The following HECTD4 variants were observed in gnomAD, a reference collection of about 807,000 sequenced individuals.
HECTD4 encodes the protein HECT domain E3 ubiquitin protein ligase 4, also known as probable E3 ubiquitin-protein ligase HECTD4.
A neutral mutation model predicts 471.5 loss-of-function variants in HECTD4; 114 were observed. The observed-to-expected ratio is 0.24, with a 90% CI of 0.21 to 0.28. The LOEUF (loss-of-function observed/expected upper bound fraction) is 0.28. Among genes scored for constraint, HECTD4 ranks in the 10% least tolerant of loss-of-function variants. The probability of loss-of-function intolerance (pLI) is 1.00; values close to 1 mark genes in which losing one functional copy is unlikely to be tolerated. For synonymous variants in HECTD4, 2,012 were observed against 2,256.0 expected, an observed-to-expected ratio of 0.89 and a Z score of 3.07; for missense variants, 3,866 against 5,651.5, an observed-to-expected ratio of 0.68 and a Z score of 10.13.
At position 112,319,800 on chromosome 12, in the gene HECTD4, G is replaced by A. The variant is rs1566110518; in HGVS notation, c.178-58C>T. ...TATTACTTTCACCAAAGTCATCTAA[G>A]GAAGAAAATATGTTTAATGATATCC... On this transcript the variant is annotated intron_variant, in intron 1 of 75. Coordinates refer to ENST00000682272, the MANE Select transcript of HECTD4 (RefSeq NM_001388303.1). This position sits in a 1 kb window ranked among gnomAD's most constrained non-coding sequence, Gnocchi z 5.3. 15 of 1,183,930 alleles carry A rather than the reference G, an allele frequency of 1.3e-5. No homozygotes were observed. Among genetic ancestry groups the A allele is most frequent in the Non-Finnish European group, 1.2e-5 (11 of 942,448 alleles). The allele number at this position is 1,183,930 out of a possible 1,614,324, so 73.3% of individuals were successfully genotyped here.
At chr12:112,187,268 G>A (rs1322488355) in intron 60 of HECTD4, among the ~76,000 whole-genome samples, 4 of 152,172 alleles carry the variant, frequency 2.6e-5, no homozygotes, top group Non-Finnish European at 4.4e-5. Context: ...GAGCCACTGC[G>A]CCTGGCCGGC....
At chr12:112,341,179 A>C (rs2036047551) in intron 1 of HECTD4, among the ~76,000 whole-genome samples, 1 of 152,196 alleles carries the variant, frequency 6.6e-6, no homozygotes, top group African/African-American at 2.4e-5. Context: ...TAAAAATGCT[A>C]CCTGTCAGTG....
chr12:112,233,725 T>C lies in HECTD4; in HGVS notation c.5916-640A>G, dbSNP rs542474751. Among the ~76,000 whole-genome samples the C allele has an allele frequency of 7.2e-5, 11 of 152,230 alleles. No homozygotes were observed. The East Asian group carries it at 1.4e-3, about 19-fold the overall frequency. On this transcript the variant is annotated intron_variant, in intron 37 of 75. Transcript: ENST00000682272. ...AGAACAAAAGCAGGGCCTGAGGACA[T>C]CATCTAAACCCCAAGGAGAGGGAAC...
In HECTD4 at chr12:112,162,912, G is replaced by C; in HGVS notation, c.13120+130C>G. ...TTCCTGCCGGGCCCTAATCCTCAAT[G>C]ATGTCTGAGTTTTGGCACGTGGGGC... On this transcript the variant is annotated intron_variant, in intron 75 of 75. Coordinates refer to ENST00000682272, the MANE Select transcript of HECTD4 (RefSeq NM_001388303.1). The surrounding 1 kb of genome is among the most constrained non-coding windows in gnomAD (Gnocchi z 5.2). 1.3e-6 allele frequency: 1 copy of C among 743,260 alleles called. No homozygotes were observed. Among genetic ancestry groups the C allele is most frequent in the Non-Finnish European group, 2.3e-6 (1 of 443,008 alleles). 46.0% of individuals were successfully genotyped at this position (743,260 alleles called of 1,614,324 possible).
chr12:112,359,721 CA>C (rs1244770108), intron 1 of HECTD4, among the ~76,000 whole-genome samples: 1 of 151,786 alleles, frequency 6.6e-6, no homozygotes, highest in Non-Finnish European at 1.5e-5. Context: ...GCCTGGCCTA[CA>C]TTTTTTTTTT....
intron 21 of HECTD4, among the ~76,000 whole-genome samples, chr12:112,254,953 CT>C (rs1267345367): frequency 1.3e-5 from 2 of 152,210 alleles, no homozygotes; most frequent in African/African-American, 4.8e-5. Context: ...CTCACTGCAT[CT>C]AAGTTCAGAT....
intron 7 of HECTD4, among the ~76,000 whole-genome samples, chr12:112,296,017 G>A (rs2035001806): frequency 1.3e-5 from 2 of 152,296 alleles, no homozygotes; most frequent in Middle Eastern, 3.4e-3. Context: ...CAGCCATGTG[G>A]TTATCTACAG....
At chr12:112,264,268 T>G in intron 16 of HECTD4, 56 bp from the exon 17 acceptor site, 1 of 1,363,998 alleles carries the variant, frequency 7.3e-7, no homozygotes, top group Non-Finnish European at 9.7e-7. Flanking sequence ...AGAGCGATCA[T>G]GTAATCCTCA....
At chr12:112,229,562 T>C in intron 41 of HECTD4, 136 bp downstream of exon 41, 1 of 824,674 alleles carries the variant, frequency 1.2e-6, no homozygotes, top group Non-Finnish European at 1.9e-6. Context: ...ATTTCTCAGA[T>C]TCCTTATTTA....
intron 62 of HECTD4, among the ~76,000 whole-genome samples, chr12:112,182,629 G>T (rs139883833): frequency 1.2e-4 from 19 of 152,246 alleles, no homozygotes; most frequent in Non-Finnish European, 2.2e-4. Context: ...CCAGGGGAAG[G>T]CTGGCTAGAC....
intron 1 of HECTD4, among the ~76,000 whole-genome samples, chr12:112,359,722 A>G (rs1027550667): frequency 2.8e-5 from 4 of 144,486 alleles, no homozygotes; most frequent in African/African-American, 1.0e-4. Context: ...CCTGGCCTAC[A>G]TTTTTTTTTT....
chr12:112,264,551 T>C (rs2034224433), intron 16 of HECTD4, among the ~76,000 whole-genome samples: 1 of 152,090 alleles, frequency 6.6e-6, no homozygotes, highest in African/African-American at 2.4e-5. Flanking sequence ...TTCCTATTGG[T>C]CTCTATAAAA....
Position 112,319,606 on chromosome 12 carries a change from C to T in HECTD4, c.314G>A (p.Arg105His), listed in dbSNP as rs573860704. The change falls in exon 2 of 76, where the codon CGC becomes CAC. Residue 105 changes from arginine (R) to histidine (H), a missense_variant. Coordinates refer to ENST00000682272, the MANE Select transcript of HECTD4 (RefSeq NM_001388303.1). The surrounding 1 kb of genome is among the most constrained non-coding windows in gnomAD (Gnocchi z 5.3). ...NALRGLWNAQ[R>H]QLALEEQHER... is the part of the protein sequence containing the mutation. Reference sequence around the variant, plus strand: ...ATGCTGTTCTTCTAAGGCCAGCTGGCGCTGGGCATTCCACAGTCCTCGCAA... The same window carrying T: ...ATGCTGTTCTTCTAAGGCCAGCTGGTGCTGGGCATTCCACAGTCCTCGCAA... 13 of 1,420,452 alleles carry T rather than the reference C, an allele frequency of 9.2e-6. No individual in the cohort carries two copies. Among genetic ancestry groups the T allele is most frequent in the Admixed American group, 8.7e-5 (3 of 34,352 alleles). 88.0% of individuals were successfully genotyped at this position (1,420,452 alleles called of 1,614,324 possible).
At chr12:112,373,990 C>G (rs1380000266) in intron 1 of HECTD4, among the ~76,000 whole-genome samples, 2 of 139,114 alleles carry the variant, frequency 1.4e-5, no homozygotes, top group Non-Finnish European at 3.0e-5. Context: ...GGTGACAGAA[C>G]GAGACTCTGT....
At chr12:112,280,784 CT>C (rs569956040) in intron 8 of HECTD4, among the ~76,000 whole-genome samples, 14,633 of 115,228 alleles carry the variant, frequency 0.13, 489 homozygotes, top group African/African-American at 0.24. Flanking sequence ...GGAATAAAAA[CT>C]TTTTTTTTTT....
rs1237111123 is a variant in HECTD4, at chr12:112,235,745, A to G, written c.5484T>C (p.Cys1828=). The change falls in exon 36 of 76, where the codon TGT becomes TGC. Residue 1828 remains cysteine (C), a synonymous_variant. Transcript: ENST00000682272. The surrounding 1 kb of genome is among the most constrained non-coding windows in gnomAD (Gnocchi z 5.0). ...IGKAILSQPA[C]VSKLLSLLLD... ...GCAGCAGGGAGAGGAGTTTGGACACACAAGCTGGCTGGCTCAGGATGGCTT... is the reference window on the plus strand; with the variant it reads ...GCAGCAGGGAGAGGAGTTTGGACACGCAAGCTGGCTGGCTCAGGATGGCTT... 11 of 1,613,658 alleles carry G rather than the reference A, an allele frequency of 6.8e-6. No individual in the cohort carries two copies. The highest frequency in any genetic ancestry group is 9.3e-6 in the Non-Finnish European group (11 of 1,179,796).
At chr12:112,275,812 T>C (rs948320216) in intron 9 of HECTD4, among the ~76,000 whole-genome samples, 13 of 152,176 alleles carry the variant, frequency 8.5e-5, no homozygotes, top group Non-Finnish European at 1.5e-4. Flanking sequence ...TTTTCTACTG[T>C]TTCATTAAAC....
intron 22 of HECTD4, among the ~76,000 whole-genome samples, chr12:112,252,912 C>A (rs1440163538): frequency 6.6e-6 from 1 of 151,836 alleles, no homozygotes; most frequent in Non-Finnish European, 1.5e-5. Context: ...CAGGCTCAAG[C>A]AATCCTCCCA....
intron 2 of HECTD4, among the ~76,000 whole-genome samples, chr12:112,315,411 C>T (rs957322608): frequency 8.5e-5 from 13 of 152,160 alleles, no homozygotes; most frequent in Non-Finnish European, 1.9e-4. Context: ...GCCCCTTTCA[C>T]TATCTCTAGT....
Sources: allele counts gnomAD v4.1 joint callset (sites outside exome capture counted in the v4.1 genomes callset), GRCh38; gene constraint gnomAD v4.1.1; non-coding constraint Gnocchi (gnomAD v3.1); transcripts MANE v1.5; gene names NCBI Gene and HGNC (gene_info 2026-07-23, HGNC 2026-07-21).